RBL2: variants seen among roughly 807,000 people sequenced by gnomAD.
RBL2 encodes the protein RB transcriptional corepressor like 2, also known as retinoblastoma-like protein 2.
In RBL2, 56 loss-of-function variants were observed where a neutral mutation model predicts 126.0. That is an observed-to-expected ratio of 0.44 (90% CI 0.36 to 0.56). The LOEUF (loss-of-function observed/expected upper bound fraction) is 0.56, where lower values mean the gene tolerates loss of function less well. RBL2 is among the 20% of genes least tolerant of loss of function. The probability of loss-of-function intolerance (pLI) is 0.00; values close to 1 mark genes in which losing one functional copy is unlikely to be tolerated. For missense variants in RBL2, 1,229 were observed against 1,398.2 expected (o/e 0.88, Z 1.93); for synonymous variants, 454 against 478.5 (o/e 0.95, Z 0.67).
In RBL2 at chr16:53,434,547, G is replaced by A; in HGVS notation, c.-10G>A. On this transcript the variant is annotated 5_prime_UTR_variant, in exon 1 of 22. Coordinates refer to ENST00000262133, the MANE Select transcript of RBL2 (RefSeq NM_005611.4). ...ACCTCACCTGAGGTCCGGCCGCCCA[G>A]GGGTGCGCTATGCCGTCGGGAGGTG... 6.8e-7 allele frequency: 1 copy of A among 1,476,006 alleles called. No homozygotes were observed. The highest frequency in any genetic ancestry group is 2.2e-5 in the Admixed American group (1 of 44,698). 91.4% of individuals were successfully genotyped at this position (1,476,006 alleles called of 1,614,324 possible).
In RBL2 at chr16:53,460,601, T is replaced by C. The variant is rs2058210534; in HGVS notation, c.1346+984T>C. Among the ~76,000 whole-genome samples the C allele has an allele frequency of 2.0e-5, 3 of 152,346 alleles. 1 individual carries two copies. In the Middle Eastern group the frequency reaches 0.01, roughly 518 times the overall value. ...TCGCTTTACAGTTTCTAACTAGGCA[T>C]AACAGCATTTTAAATCTTAGGTACC... On this transcript the variant is annotated intron_variant, in intron 9 of 21. Coordinates refer to ENST00000262133, the MANE Select transcript of RBL2 (RefSeq NM_005611.4).
In RBL2 at chr16:53,459,434, A is replaced by AT. The variant is rs66521736; in HGVS notation, c.1180-7dup. On this transcript the variant is annotated splice_polypyrimidine_tract_variant and intron_variant, in intron 8 of 21. Transcript: ENST00000262133. ...AAAAAATGTTTATTAATTCTGTGTA[A>AT]TTTTTTTTTTCTTTAGTCCAAAGCA... is the stretch of plus-strand genomic sequence containing the variant. 3,615 of 1,494,250 alleles carry AT rather than the reference A, an allele frequency of 2.4e-3. No individual in the cohort carries two copies. Among genetic ancestry groups the AT allele is most frequent in the Admixed American group, 3.3e-3 (179 of 55,016 alleles). 92.6% of individuals were successfully genotyped at this position (1,494,250 alleles called of 1,614,324 possible). A position where few individuals can be genotyped will look rare whatever the true frequency, so the allele number is the denominator to read the frequency against.
At chr16:53,480,237 A>AG in intron 19 of RBL2, 2 of 534,326 alleles carry the variant, frequency 3.7e-6, no homozygotes, top group Admixed American at 7.2e-5. Context: ...CCTGAGTTCC[A>AG]GAAAGGTCTG....
intron 8 of RBL2, among the ~76,000 whole-genome samples, chr16:53,456,475 G>A (rs1416111466): frequency 1.3e-5 from 2 of 152,196 alleles, no homozygotes; most frequent in Non-Finnish European, 2.9e-5. Context: ...ATATTTTGGA[G>A]ATGGCACCCA....
At chr16:53,480,056 A>G in intron 19 of RBL2, 65 bp downstream of exon 19, 2 of 1,035,252 alleles carry the variant, frequency 1.9e-6, no homozygotes, top group Non-Finnish European at 1.4e-6. Context: ...TAGGCCTTGA[A>G]GAAGTAACTA....
chr16:53,474,286 C>T (rs1009467502), intron 17 of RBL2, among the ~76,000 whole-genome samples: 4 of 149,482 alleles, frequency 2.7e-5, no homozygotes, highest in Admixed American at 6.7e-5. Context: ...CCACTGCACC[C>T]GGCTGCTGTA....
At chr16:53,479,110 G>C in intron 17 of RBL2, 44 bp from the exon 18 acceptor site, 1 of 1,469,208 alleles carries the variant, frequency 6.8e-7, no homozygotes, top group Admixed American at 1.7e-5. Flanking sequence ...CACTATTATG[G>C]TGGTAGTTGC....
rs531201198 is a variant in RBL2, at chr16:53,447,753, TCC to T, written c.637+648_637+649del. Among the ~76,000 whole-genome samples the T allele has an allele frequency of 4.9e-3, 687 of 138,888 alleles. 2 individuals carry two copies. The highest frequency in any genetic ancestry group is 0.023 in the African/African-American group (666 of 29,502). The allele number at this position is 138,888 out of a possible 152,430, so 91.1% of individuals were successfully genotyped here. A position where few individuals can be genotyped will look rare whatever the true frequency, so the allele number is the denominator to read the frequency against. ...TACACCTCCCAGGTTCAAGTAATTC[TCC>T]TGCCTCAGCCTCCCGAATAGCCGTG... On this transcript the variant is annotated intron_variant, in intron 4 of 21. Coordinates refer to ENST00000262133, the MANE Select transcript of RBL2 (RefSeq NM_005611.4).
chr16:53,438,972 T>C (rs1379416683), intron 1 of RBL2, 44 bp from the exon 2 acceptor site: 10 of 1,341,256 alleles, frequency 7.5e-6, no homozygotes, highest in Non-Finnish European at 1.0e-5. Flanking sequence ...GAAATATTTA[T>C]ATGTAGCTTT....
chr16:53,448,403 T>G (rs557833144), intron 4 of RBL2, among the ~76,000 whole-genome samples: 5 of 152,296 alleles, frequency 3.3e-5, no homozygotes, highest in African/African-American at 1.2e-4. Flanking sequence ...GTGATCCACC[T>G]GCGTCAGCCT....
rs1309359025 is a variant in RBL2, at chr16:53,442,661, A to G, written c.375A>G (p.Leu125=). The G allele has an allele frequency of 6.2e-7, 1 of 1,609,666 alleles. No homozygotes were observed. Among genetic ancestry groups the G allele is most frequent in the Non-Finnish European group, 8.5e-7 (1 of 1,177,110 alleles). ...TCTTGTTTGTCTTTAATACCAGCTT[A>G]ATCGAATTTTTTAATAAGATGAAGA... The part of the protein sequence containing the change: ...TRILKCSEQS[L]IEFFNKMKKW... Residue 125 remains leucine (L), a synonymous_variant, in exon 3 of 22, where the codon TTA becomes TTG. Coordinates refer to ENST00000262133, the MANE Select transcript of RBL2 (RefSeq NM_005611.4).
At chr16:53,476,785 T>C (rs576747172) in intron 17 of RBL2, among the ~76,000 whole-genome samples, 5 of 152,346 alleles carry the variant, frequency 3.3e-5, no homozygotes, top group East Asian at 1.9e-4. Flanking sequence ...GTGTGAGATA[T>C]ATAGTCACCC....
At position 53,434,548 on chromosome 16, in the gene RBL2, G is replaced by A. The variant is rs1037767461; in HGVS notation, c.-9G>A. On this transcript the variant is annotated 5_prime_UTR_variant, in exon 1 of 22. Transcript: ENST00000262133. The stretch of plus-strand genomic sequence containing the variant: ...CCTCACCTGAGGTCCGGCCGCCCAG[G>A]GGTGCGCTATGCCGTCGGGAGGTGA... 22 of 1,477,110 alleles carry A rather than the reference G, an allele frequency of 1.5e-5. No individual in the cohort carries two copies. Among genetic ancestry groups the A allele is most frequent in the Non-Finnish European group, 2.0e-5 (22 of 1,121,050 alleles). 91.5% of individuals were successfully genotyped at this position (1,477,110 alleles called of 1,614,324 possible).
intron 2 of RBL2, among the ~76,000 whole-genome samples, chr16:53,442,450 T>G (rs1381257301): frequency 6.6e-6 from 1 of 152,214 alleles, no homozygotes; most frequent in Non-Finnish European, 1.5e-5. Context: ...ATACTTTAGG[T>G]AACCTAAACA....
chr16:53,449,129 T>C (rs1009673169), intron 4 of RBL2: 1 of 152,190 alleles, frequency 6.6e-6, no homozygotes, highest in Non-Finnish European at 1.5e-5. Context: ...TAAACCATTT[T>C]TACAGCGGCT....
At position 53,490,245 on chromosome 16, in the gene RBL2, A is replaced by G. The variant is rs1567751973; in HGVS notation, c.3365A>G (p.His1122Arg). The G allele has an allele frequency of 6.2e-7, 1 of 1,612,870 alleles. No homozygotes were observed. The highest frequency in any genetic ancestry group is 8.5e-7 in the Non-Finnish European group (1 of 1,179,320). ...SPAKRICPEN[H>R]SALLRRLQDV... is the part of the protein sequence containing the mutation. ...GCAAAAAGAATTTGCCCAGAAAATC[A>G]TTCTGCCTTATTACGCCGTCTCCAA... The change falls in exon 22 of 22, where the codon CAT (histidine) becomes CGT (arginine). Residue 1122 changes from histidine (H) to arginine (R), a missense_variant. Physicochemically the swap from His to Arg is conservative, Grantham distance 29. Transcript: ENST00000262133.
intron 21 of RBL2, among the ~76,000 whole-genome samples, chr16:53,483,172 G>C (rs1006449585): frequency 1.5e-4 from 23 of 152,172 alleles, no homozygotes; most frequent in African/African-American, 5.6e-4. Context: ...GGTAGGGAGA[G>C]AGTGAAAGCA....
intron 17 of RBL2, among the ~76,000 whole-genome samples, chr16:53,474,682 T>A (rs1305628706): frequency 6.6e-6 from 1 of 152,024 alleles, no homozygotes; most frequent in African/African-American, 2.4e-5. Context: ...TGTTTTCAGT[T>A]AAAAAAAATA....
At chr16:53,443,411 TAATA>T (rs1262805140) in intron 3 of RBL2, 8 of 152,306 alleles carry the variant, frequency 5.3e-5, no homozygotes, top group South Asian at 2.1e-4. Flanking sequence ...TCAAACTGAG[TAATA>T]AATAATCCCC....
Sources: allele counts gnomAD v4.1 joint callset (sites outside exome capture counted in the v4.1 genomes callset), GRCh38; gene constraint gnomAD v4.1.1; transcripts MANE v1.5; gene names NCBI Gene and HGNC (gene_info 2026-07-23, HGNC 2026-07-21).